BEND7: variants seen among roughly 807,000 people sequenced by gnomAD.
BEND7 encodes the protein BEN domain containing 7, also known as BEN domain-containing protein 7.
A neutral mutation model predicts 50.9 loss-of-function variants in BEND7; 28 were observed. That is an observed-to-expected ratio of 0.55 (90% confidence interval 0.41 to 0.75). BEND7 has a LOEUF of 0.75. BEND7 is among the 30% of genes least tolerant of loss of function. The pLI, the probability that BEND7 is intolerant of heterozygous loss-of-function variation, is 0.00. For missense variants in BEND7, 477 were observed against 491.3 expected, an observed-to-expected ratio of 0.97 and a Z score of 0.28; for synonymous variants, 170 against 183.9, an observed-to-expected ratio of 0.92 and a Z score of 0.61.
chr10:13,480,109 A>G (rs1232545731), intron 6 of BEND7, among the ~76,000 whole-genome samples: 1 of 152,164 alleles, frequency 6.6e-6, no homozygotes, highest in Non-Finnish European at 1.5e-5. Flanking sequence ...TTTAGTTTTG[A>G]GACTTGGTTT....
In BEND7 at chr10:13,522,414, C is replaced by G. The variant is rs367972986; in HGVS notation, c.145+3724G>C. On this transcript the variant is annotated intron_variant, in intron 2 of 8. Coordinates refer to ENST00000466271, the MANE Select transcript of BEND7 (RefSeq NM_001369863.1). The stretch of plus-strand genomic sequence containing the variant: ...AGGCCTGGGTTTACTCCGGCCTCTG[C>G]TATTCGTGAGGTCAGGTAACTGAGC... 1.4e-4 allele frequency among the ~76,000 whole-genome samples: 22 copies of G among 152,314 alleles called. No homozygotes were observed. The East Asian group carries it at 3.3e-3, about 23-fold the overall frequency.
At chr10:13,451,859 G>C (rs187397000) in intron 7 of BEND7, among the ~76,000 whole-genome samples, 273 of 149,020 alleles carry the variant, frequency 1.8e-3, no homozygotes, top group East Asian at 6.4e-3. Context: ...AACATGTGGT[G>C]TTTGAGATAG....
At chr10:13,474,842 T>G (rs2075312651) in intron 6 of BEND7, among the ~76,000 whole-genome samples, 1 of 152,270 alleles carries the variant, frequency 6.6e-6, no homozygotes, top group South Asian at 2.1e-4. Context: ...TCATTGCTGT[T>G]AAACTCAGGT....
chr10:13,461,971 A>G (rs1840306284), intron 6 of BEND7, among the ~76,000 whole-genome samples: 1 of 152,182 alleles, frequency 6.6e-6, no homozygotes, highest in Non-Finnish European at 1.5e-5. Context: ...TCATATTTAA[A>G]ATAATGAAAC....
At chr10:13,511,347 T>C (rs769498189) in intron 2 of BEND7, 2 of 152,226 alleles carry the variant, frequency 1.3e-5, no homozygotes, top group Non-Finnish European at 2.9e-5. Context: ...TTTTTGGCTT[T>C]ATAAATTGTT....
intron 2 of BEND7, among the ~76,000 whole-genome samples, chr10:13,504,473 T>C (rs1472540316): frequency 6.6e-6 from 1 of 152,162 alleles, no homozygotes; most frequent in Non-Finnish European, 1.5e-5. Context: ...ACAGGCTTCT[T>C]CTATCATAGT....
At chr10:13,446,980 T>C (rs550472195) in intron 8 of BEND7, 4 of 411,590 alleles carry the variant, frequency 9.7e-6, no homozygotes, top group Admixed American at 4.5e-5. Context: ...TATTTTGTAA[T>C]GTCCAAAGGT....
intron 5 of BEND7, among the ~76,000 whole-genome samples, chr10:13,488,473 T>C (rs2076403558): frequency 1.3e-5 from 2 of 152,088 alleles, no homozygotes; most frequent in Non-Finnish European, 2.9e-5. Context: ...GAAGAAAGAA[T>C]TAAATACTGT....
At chr10:13,515,709 G>GC (rs1423739206) in intron 2 of BEND7, among the ~76,000 whole-genome samples, 16 of 152,236 alleles carry the variant, frequency 1.1e-4, no homozygotes, top group African/African-American at 3.6e-4. Context: ...CCTCTCATCC[G>GC]CTCCCCCTTC....
chr10:13,487,549 G>GC, intron 5 of BEND7, among the ~76,000 whole-genome samples: 1 of 151,832 alleles, frequency 6.6e-6, no homozygotes, highest in Admixed American at 6.6e-5. Context: ...ACCACGCCCG[G>GC]CTAATTTTAT....
At chr10:13,482,319 T>C (rs1027324402) in intron 5 of BEND7, among the ~76,000 whole-genome samples, 2 of 152,154 alleles carry the variant, frequency 1.3e-5, no homozygotes, top group South Asian at 2.1e-4. Context: ...AGAAATGCAA[T>C]TGGTAAACTG....
chr10:13,458,010 A>G (rs942845324), intron 6 of BEND7, among the ~76,000 whole-genome samples: 5 of 152,252 alleles, frequency 3.3e-5, no homozygotes, highest in African/African-American at 1.2e-4. Context: ...GAAAAAAGTG[A>G]AATAAGATCA....
downstream of BEND7, chr10:13,441,051 C>G (rs1282966816): frequency 1.0e-6 from 1 of 963,684 alleles, no homozygotes; most frequent in African/African-American, 1.8e-5. Context: ...TTCATAAACA[C>G]AGGAAGACCG....
chr10:13,441,401 G>T lies in BEND7; in HGVS notation c.*342C>A. ...TTAATTTACAAAATATGATTTTGCT[G>T]TTGCAGTTTTGATACGTATTTCCAG... On this transcript the variant is annotated 3_prime_UTR_variant, in exon 9 of 9. Coordinates refer to ENST00000466271, the MANE Select transcript of BEND7 (RefSeq NM_001369863.1). The T allele has an allele frequency of 1.8e-6, 2 of 1,126,362 alleles. No individual in the cohort carries two copies. The highest frequency in any genetic ancestry group is 4.3e-5 in the South Asian group (1 of 23,032). 69.8% of individuals were successfully genotyped at this position (1,126,362 alleles called of 1,614,324 possible). A position where few individuals can be genotyped will look rare whatever the true frequency, so the allele number is the denominator to read the frequency against.
intron 5 of BEND7, among the ~76,000 whole-genome samples, chr10:13,481,552 A>G (rs2075859688): frequency 6.6e-6 from 1 of 152,366 alleles, no homozygotes; most frequent in Middle Eastern, 3.4e-3. Context: ...ACTTTCTCAT[A>G]CACTAAATAA....
Position 13,480,896 on chromosome 10 carries a change from A to G in BEND7, c.1063+3T>C. The G allele has an allele frequency of 6.2e-7, 1 of 1,614,130 alleles. No individual in the cohort carries two copies. Among genetic ancestry groups the G allele is most frequent in the Non-Finnish European group, 8.5e-7 (1 of 1,180,000 alleles). ...CCCACAAAATGAAATGATGCAGACCAACCTTTTATTGCACCCACAATATTT... is the reference window on the plus strand; with the variant it reads ...CCCACAAAATGAAATGATGCAGACCGACCTTTTATTGCACCCACAATATTT... On this transcript the variant is annotated splice_donor_region_variant and intron_variant, in intron 6 of 8. Coordinates refer to ENST00000466271, the MANE Select transcript of BEND7 (RefSeq NM_001369863.1).
chr10:13,479,389 C>T (rs1268315356), intron 6 of BEND7, among the ~76,000 whole-genome samples: 1 of 152,254 alleles, frequency 6.6e-6, no homozygotes, highest in East Asian at 1.9e-4. Flanking sequence ...CCACTTGTCA[C>T]AATCTATTTC....
chr10:13,491,228 G>C (rs1276854804), intron 5 of BEND7, among the ~76,000 whole-genome samples: 1 of 150,730 alleles, frequency 6.6e-6, no homozygotes, highest in Non-Finnish European at 1.5e-5. Flanking sequence ...TAGGAGAATT[G>C]CTTGAACCCA....
intron 6 of BEND7, among the ~76,000 whole-genome samples, chr10:13,478,596 T>C (rs1289462086): frequency 6.8e-6 from 1 of 147,054 alleles, no homozygotes; most frequent in Non-Finnish European, 1.5e-5. Context: ...GAATGTATAA[T>C]ACCATAATCT....
Sources: allele counts gnomAD v4.1 joint callset (sites outside exome capture counted in the v4.1 genomes callset), GRCh38; gene constraint gnomAD v4.1.1; transcripts MANE v1.5; gene names NCBI Gene and HGNC (gene_info 2026-07-23, HGNC 2026-07-21).